The following RORA variants were observed in gnomAD, a reference collection of about 807,000 sequenced individuals.
RORA encodes RAR related orphan receptor A.
Under a neutral mutation model 69.5 loss-of-function variants are expected in RORA, and 7 were observed. The observed-to-expected ratio is 0.10, with a 90% CI of 0.06 to 0.19. The LOEUF (loss-of-function observed/expected upper bound fraction) is 0.19. Ranked by LOEUF, RORA falls within the 10% of genes least tolerant of loss-of-function variation. The pLI is 1.00. For missense variants in RORA, 457 were observed against 663.0 expected (o/e 0.69, Z 3.41); for synonymous variants, 261 against 240.8 (o/e 1.08, Z -0.78).
chr15:61,017,234 A>T (rs950917815), intron 1 of RORA, among the ~76,000 whole-genome samples: 15 of 152,198 alleles, frequency 9.9e-5, no homozygotes, highest in African/African-American at 3.6e-4. Context: ...ATTCAACAGA[A>T]CCCAGGACAG....
Position 60,844,904 on chromosome 15 carries a change from C to T in RORA, c.167-166218G>A, listed in dbSNP as rs75831200. Among the ~76,000 whole-genome samples, 1,290 of 152,232 alleles carry T rather than the reference C, an allele frequency of 8.5e-3. 15 individuals carry two copies. The highest frequency in any genetic ancestry group is 0.02 in the African/African-American group (843 of 41,550). On this transcript the variant is annotated intron_variant, in intron 1 of 10. Coordinates refer to ENST00000335670, the MANE Select transcript of RORA (RefSeq NM_134261.3). ...GCAGGAAGCCAAGGTAACTGGGCAA[C>T]ACATAATGAAACGGTTTGTGGCCAA... is the stretch of plus-strand genomic sequence containing the variant.
intron 2 of RORA, among the ~76,000 whole-genome samples, chr15:60,628,974 A>T (rs182659784): frequency 6.6e-6 from 1 of 152,272 alleles, no homozygotes; most frequent in Admixed American, 6.5e-5. Context: ...TCCCTGAGCT[A>T]GGATCTGCTC....
At chr15:61,194,221 C>T (rs1364290140) in intron 1 of RORA, 1 of 152,154 alleles carries the variant, frequency 6.6e-6, no homozygotes, top group Non-Finnish European at 1.5e-5. Flanking sequence ...GGGTGCAAGC[C>T]AAGAGTAGGA....
intron 1 of RORA, among the ~76,000 whole-genome samples, chr15:60,771,831 A>C (rs1195614435): frequency 6.6e-6 from 1 of 152,042 alleles, no homozygotes; most frequent in East Asian, 1.9e-4. Context: ...TTCCTCCCCT[A>C]CCTCTCAGGA....
rs1193620777 is a variant in RORA at position 61,226,804 on chromosome 15, C to A, written c.166+2249G>T. ...CAGGATGTGAGTTGAGTGTTTGGGC[C>A]TTACCACCCCCCTCCCATTAAATCT... is the stretch of plus-strand genomic sequence containing the variant. On this transcript the variant is annotated intron_variant, in intron 1 of 10. Transcript: ENST00000335670. The surrounding 1 kb of genome is among the most constrained non-coding windows in gnomAD (Gnocchi z 4.2). Among the ~76,000 whole-genome samples, 4 of 151,480 alleles carry A rather than the reference C, an allele frequency of 2.6e-5. No individual in the cohort carries two copies. Among genetic ancestry groups the A allele is most frequent in the African/African-American group, 9.7e-5 (4 of 41,242 alleles).
At chr15:60,802,358 T>G (rs1289592487) in intron 1 of RORA, among the ~76,000 whole-genome samples, 1 of 152,218 alleles carries the variant, frequency 6.6e-6, no homozygotes, top group Non-Finnish European at 1.5e-5. Context: ...ATTAGTATTT[T>G]GTCATTATTT....
At chr15:60,834,961 G>A (rs1294885355) in intron 1 of RORA, among the ~76,000 whole-genome samples, 1 of 152,002 alleles carries the variant, frequency 6.6e-6, no homozygotes, top group East Asian at 1.9e-4. Flanking sequence ...GACAAGCTCG[G>A]CATCACTGAA....
intron 1 of RORA, among the ~76,000 whole-genome samples, chr15:60,969,228 A>C (rs11629685): frequency 3.6e-3 from 553 of 152,316 alleles, no homozygotes; most frequent in Non-Finnish European, 5.4e-3. Flanking sequence ...GTAATTAATA[A>C]GTCCTTTTTG....
At position 60,989,980 on chromosome 15, in the gene RORA, T is replaced by C. The variant is rs140802022; in HGVS notation, c.166+239073A>G. ...CTTTGGCTAAAAATTCTGTGATTAA[T>C]TATTTTTGTCAGAGATTACTAACTT... On this transcript the variant is annotated intron_variant, in intron 1 of 10. Transcript: ENST00000335670. Among the ~76,000 whole-genome samples, 650 of 152,140 alleles carry C rather than the reference T, an allele frequency of 4.3e-3. 8 individuals carry two copies. Among genetic ancestry groups the C allele is most frequent in the African/African-American group, 0.015 (621 of 41,498 alleles).
intron 1 of RORA, among the ~76,000 whole-genome samples, chr15:61,222,309 A>ATGTG (rs992463246): frequency 5.3e-5 from 8 of 152,216 alleles, no homozygotes; most frequent in African/African-American, 1.9e-4. Flanking sequence ...ATACTATGTA[A>ATGTG]TGTGATAAGA....
At chr15:60,591,040 G>A (rs1369510484) in intron 2 of RORA, among the ~76,000 whole-genome samples, 2 of 152,210 alleles carry the variant, frequency 1.3e-5, no homozygotes, top group Admixed American at 1.3e-4. Context: ...AGTAAACCCA[G>A]CGCAGATACC....
At chr15:60,532,734 A>G (rs2066563278) in intron 2 of RORA, among the ~76,000 whole-genome samples, 1 of 152,246 alleles carries the variant, frequency 6.6e-6, no homozygotes. Flanking sequence ...AATAGAATTT[A>G]TATGTGAAAT....
At chr15:60,738,202 AT>A (rs2071527818) in intron 1 of RORA, among the ~76,000 whole-genome samples, 2 of 152,216 alleles carry the variant, frequency 1.3e-5, no homozygotes, top group African/African-American at 4.8e-5. Flanking sequence ...AACATCGACA[AT>A]GTACCAAATG....
chr15:61,056,122 T>C lies in RORA; in HGVS notation c.166+172931A>G, dbSNP rs114608913. Among the ~76,000 whole-genome samples, 382 of 152,286 alleles carry C rather than the reference T, an allele frequency of 2.5e-3. 2 individuals are homozygous for C. Among genetic ancestry groups the C allele is most frequent in the African/African-American group, 8.4e-3 (348 of 41,546 alleles). On this transcript the variant is annotated intron_variant, in intron 1 of 10. Transcript: ENST00000335670. ...AGACATATTAAGAATGAAAGCAGAT[T>C]AAAGAAAAGAGCTAATCAAAAAATA...
At position 61,158,320 on chromosome 15, in the gene RORA, T is replaced by A. The variant is rs1342858221; in HGVS notation, c.166+70733A>T. On this transcript the variant is annotated intron_variant, in intron 1 of 10. Coordinates refer to ENST00000335670, the MANE Select transcript of RORA (RefSeq NM_134261.3). ...AGCCTTCTCCTCTCTGGAAGTGTCATCTCAACTGGAGATCAGCCAGGATGT... is the reference window on the plus strand; with the variant it reads ...AGCCTTCTCCTCTCTGGAAGTGTCAACTCAACTGGAGATCAGCCAGGATGT... Among the ~76,000 whole-genome samples the A allele has an allele frequency of 2.0e-5, 3 of 152,164 alleles. No homozygotes were observed. In the East Asian group the frequency reaches 5.8e-4, roughly 29 times the overall value.
intron 1 of RORA, among the ~76,000 whole-genome samples, chr15:61,011,601 C>T (rs1191882992): frequency 6.6e-6 from 1 of 151,888 alleles, no homozygotes; most frequent in African/African-American, 2.4e-5. Flanking sequence ...AGCGTATCTG[C>T]AAAAGCTTTC....
chr15:61,192,249 G>C (rs972949968), intron 1 of RORA, among the ~76,000 whole-genome samples: 39 of 152,356 alleles, frequency 2.6e-4, no homozygotes, highest in Non-Finnish European at 5.9e-5. Context: ...CTATAAAATA[G>C]TCATTCTGTA....
intron 1 of RORA, among the ~76,000 whole-genome samples, chr15:60,929,728 C>T (rs570624071): frequency 1.3e-5 from 2 of 152,332 alleles, no homozygotes; most frequent in East Asian, 3.9e-4. Flanking sequence ...TCTTCAACTT[C>T]TGGCTTCCCT....
chr15:60,525,632 CTG>C (rs1281867485), intron 3 of RORA, among the ~76,000 whole-genome samples: 2 of 152,174 alleles, frequency 1.3e-5, no homozygotes, highest in Non-Finnish European at 1.5e-5. Flanking sequence ...ATTCATAACT[CTG>C]TGATTTATTG....
Sources: gnomAD v4.1 joint callset for allele counts (sites outside exome capture counted in the v4.1 genomes callset) on GRCh38, gnomAD v4.1.1 for gene constraint, Gnocchi (gnomAD v3.1) non-coding constraint, MANE v1.5 for transcripts, NCBI Gene and HGNC (gene_info 2026-07-23, HGNC 2026-07-21) for gene names.